The following RTN4RL1 variants were observed in gnomAD, a reference collection of about 807,000 sequenced individuals.
The protein encoded by RTN4RL1 is reticulon 4 receptor like 1.
RTN4RL1 carries 7 observed loss-of-function variants against 25.6 expected under a neutral mutation model. The observed-to-expected ratio is 0.27, with a 90% CI of 0.16 to 0.51. The LOEUF is 0.51. Ranked by LOEUF, RTN4RL1 falls within the 20% of genes least tolerant of loss-of-function variation. The pLI is 0.97. For missense variants in RTN4RL1, 500 were observed against 615.6 expected (o/e 0.81, Z 1.99); for synonymous variants, 297 against 288.2 (o/e 1.03, Z -0.31).
chr17:2,002,385 C>T (rs370587662), intron 1 of RTN4RL1, among the ~76,000 whole-genome samples: 8 of 150,778 alleles, frequency 5.3e-5, no homozygotes, highest in South Asian at 2.1e-4. Flanking sequence ...CTCCGCCTCC[C>T]GGGTTCACGC....
intron 1 of RTN4RL1, among the ~76,000 whole-genome samples, chr17:1,980,443 T>C (rs2066862246): frequency 6.6e-6 from 1 of 152,066 alleles, no homozygotes; most frequent in African/African-American, 2.4e-5. Context: ...AATGTTTCCA[T>C]GGGGCTTTTT....
chr17:2,022,628 C>T (rs1411642907), intron 1 of RTN4RL1, among the ~76,000 whole-genome samples: 2 of 152,208 alleles, frequency 1.3e-5, no homozygotes, highest in Admixed American at 6.5e-5. Flanking sequence ...TCCAAAAGAT[C>T]AGGATCTGGG....
chr17:1,977,526 C>G (rs183553032), intron 1 of RTN4RL1, among the ~76,000 whole-genome samples: 3 of 152,196 alleles, frequency 2.0e-5, no homozygotes, highest in African/African-American at 4.8e-5. Flanking sequence ...TGCCGCCCCC[C>G]ACCCCGCCCG....
intron 1 of RTN4RL1, 108 bp from the exon 2 acceptor site, chr17:1,937,916 T>A (rs1915346935): frequency 5.5e-6 from 5 of 905,234 alleles, no homozygotes; most frequent in Non-Finnish European, 8.2e-6. Context: ...CTGAGCTCCG[T>A]GAGAGCCTTG....
At chr17:1,981,219 A>G (rs1185277105) in intron 1 of RTN4RL1, among the ~76,000 whole-genome samples, 1 of 151,790 alleles carries the variant, frequency 6.6e-6, no homozygotes, top group Non-Finnish European at 1.5e-5. Context: ...CGTCCCTACA[A>G]AAAAATTTAA....
intron 1 of RTN4RL1, among the ~76,000 whole-genome samples, chr17:1,953,915 T>G (rs1244212844): frequency 2.6e-5 from 4 of 152,208 alleles, no homozygotes; most frequent in Non-Finnish European, 5.9e-5. Flanking sequence ...ATGTTCTACC[T>G]CCTGCCTCTG....
At chr17:1,972,074 G>C (rs2066822863) in intron 1 of RTN4RL1, among the ~76,000 whole-genome samples, 1 of 151,878 alleles carries the variant, frequency 6.6e-6, no homozygotes, top group Non-Finnish European at 1.5e-5. Flanking sequence ...GGAGGTCAAG[G>C]CTGCAGTGAA....
At chr17:1,939,837 C>G (rs945916717) in intron 1 of RTN4RL1, among the ~76,000 whole-genome samples, 2 of 152,138 alleles carry the variant, frequency 1.3e-5, no homozygotes, top group South Asian at 2.1e-4. Context: ...TCCAGGCCCC[C>G]ACCCTGGAGG....
chr17:2,022,966 G>A (rs775926151), intron 1 of RTN4RL1, among the ~76,000 whole-genome samples: 29 of 152,358 alleles, frequency 1.9e-4, no homozygotes, highest in Admixed American at 4.6e-4. Flanking sequence ...TGGGCCTCTG[G>A]CTAGCCAGGG....
chr17:1,979,637 G>A (rs1169961920), intron 1 of RTN4RL1, among the ~76,000 whole-genome samples: 2 of 152,198 alleles, frequency 1.3e-5, no homozygotes, highest in East Asian at 3.8e-4. Flanking sequence ...CCCCATGGGA[G>A]TCTTCACCAG....
intron 1 of RTN4RL1, among the ~76,000 whole-genome samples, chr17:1,968,494 G>T (rs2066802812): frequency 6.6e-6 from 1 of 152,138 alleles, no homozygotes; most frequent in Non-Finnish European, 1.5e-5. Context: ...CAGCTCCGAT[G>T]GTGTCACTCC....
At chr17:1,960,646 C>A (rs545696315) in intron 1 of RTN4RL1, among the ~76,000 whole-genome samples, 1 of 152,338 alleles carries the variant, frequency 6.6e-6, no homozygotes, top group South Asian at 2.1e-4. Context: ...TCATCACTAT[C>A]TGGCTCAGAA....
chr17:1,987,060 G>T (rs188522910), intron 1 of RTN4RL1, among the ~76,000 whole-genome samples: 5 of 152,190 alleles, frequency 3.3e-5, no homozygotes, highest in African/African-American at 1.2e-4. Context: ...AGGCAGGTGC[G>T]AAGGAGAAAG....
At chr17:1,972,867 G>C (rs1239927332) in intron 1 of RTN4RL1, among the ~76,000 whole-genome samples, 1 of 152,172 alleles carries the variant, frequency 6.6e-6, no homozygotes, top group East Asian at 1.9e-4. Flanking sequence ...CCTCCAGAGG[G>C]GACCAGGCCA....
chr17:2,009,288 T>G (rs2067025851), intron 1 of RTN4RL1, among the ~76,000 whole-genome samples: 1 of 152,134 alleles, frequency 6.6e-6, no homozygotes, highest in South Asian at 2.1e-4. Flanking sequence ...GGGGAAACCC[T>G]GTCTCTACTA....
intron 1 of RTN4RL1, among the ~76,000 whole-genome samples, chr17:1,959,775 A>G (rs1240931994): frequency 6.6e-6 from 1 of 152,046 alleles, no homozygotes; most frequent in Non-Finnish European, 1.5e-5. Context: ...ATGTGGGCCC[A>G]GCTGGTTTCG....
intron 1 of RTN4RL1, among the ~76,000 whole-genome samples, chr17:2,021,988 A>C (rs2067213053): frequency 6.7e-6 from 1 of 150,226 alleles, no homozygotes; most frequent in Non-Finnish European, 1.5e-5. Context: ...CCTCTCAAGT[A>C]GCTGGGACCA....
At chr17:2,020,853 T>C (rs2067191315) in intron 1 of RTN4RL1, 1 of 152,212 alleles carries the variant, frequency 6.6e-6, no homozygotes, top group African/African-American at 2.4e-5. Context: ...TTCATAGCTC[T>C]ACACAGGAAA....
chr17:1,969,455 T>C (rs1414133027), intron 1 of RTN4RL1, among the ~76,000 whole-genome samples: 2 of 152,180 alleles, frequency 1.3e-5, no homozygotes, highest in Non-Finnish European at 1.5e-5. Flanking sequence ...CCCTCATTTT[T>C]GTCCCCACTT....
Sources: allele counts gnomAD v4.1 joint callset (sites outside exome capture counted in the v4.1 genomes callset), GRCh38; gene constraint gnomAD v4.1.1; transcripts MANE v1.5; gene names NCBI Gene and HGNC (gene_info 2026-07-23, HGNC 2026-07-21).